Variants in ITGA8 observed in about 807,000 individuals in gnomAD.
ITGA8 encodes integrin subunit alpha 8.
Under a neutral mutation model 142.3 loss-of-function variants are expected in ITGA8, and 91 were observed. The ratio of observed to expected loss-of-function variants is 0.64; its 90% CI spans 0.54 to 0.76. The LOEUF (loss-of-function observed/expected upper bound fraction) is 0.76. Among genes scored for constraint, ITGA8 ranks in the 30% least tolerant of loss-of-function variants. The pLI, the probability that ITGA8 is intolerant of heterozygous loss-of-function variation, is 0.00. For missense variants in ITGA8, 1,406 were observed against 1,327.7 expected (o/e 1.06, Z -0.92); for synonymous variants, 505 against 485.2 (o/e 1.04, Z -0.54).
chr10:15,632,595 C>T (rs12572662), intron 13 of ITGA8, among the ~76,000 whole-genome samples: 1 of 152,200 alleles, frequency 6.6e-6, no homozygotes, highest in South Asian at 2.1e-4. Flanking sequence ...AGAAGCAGGT[C>T]GGTATTTCAG....
chr10:15,518,864 T>C (rs184396433), intron 29 of ITGA8, among the ~76,000 whole-genome samples: 490 of 152,338 alleles, frequency 3.2e-3, no homozygotes, highest in Non-Finnish European at 5.8e-3. Flanking sequence ...CTATATTAAT[T>C]GCATTTGCAT....
intron 25 of ITGA8, among the ~76,000 whole-genome samples, chr10:15,565,607 T>TTTTTTTTTTTTTA (rs1834064320): frequency 7.6e-6 from 1 of 130,940 alleles, no homozygotes. Context: ...TTTTTTTTTT[T>TTTTTTTTTTTTTA]GAGACAGAGT....
In ITGA8 at chr10:15,575,538, T is replaced by TC; in HGVS notation, c.2428dup (p.Glu810GlyfsTer17). 6.2e-7 allele frequency: 1 copy of TC among 1,614,064 alleles called. No individual in the cohort carries two copies. Among genetic ancestry groups the TC allele is most frequent in the East Asian group, 2.2e-5 (1 of 44,884 alleles). ...TCCAACCTCCTCCTCTTTGTGGGGC[T>TC]CCTCTTCTGGTTCCCAGTTATGAAT... On this transcript the variant is annotated frameshift_variant, in exon 24 of 30. Transcript: ENST00000378076. LOFTEE classifies it high-confidence loss of function.
chr10:15,616,159 A>T (rs1833387031), intron 14 of ITGA8, among the ~76,000 whole-genome samples: 3 of 152,236 alleles, frequency 2.0e-5, no homozygotes, highest in Admixed American at 2.0e-4. Flanking sequence ...GATAAATAGT[A>T]ACATTCTTCT....
intron 25 of ITGA8, among the ~76,000 whole-genome samples, chr10:15,565,573 A>ATTTTTTTTTTTTTTTTTTTTTT (rs71374633): frequency 2.6e-4 from 9 of 34,782 alleles, no homozygotes; most frequent in Non-Finnish European, 3.6e-4. Context: ...TCATGTCCTG[A>ATTTTTTTTTTTTTTTTTTTTTT]TTTTTTTTTT....
At chr10:15,535,796 C>T (rs992462696) in intron 27 of ITGA8, among the ~76,000 whole-genome samples, 4 of 152,120 alleles carry the variant, frequency 2.6e-5, no homozygotes, top group African/African-American at 9.7e-5. Flanking sequence ...CTGGGGTCCC[C>T]TTCCACACTG....
At chr10:15,677,877 C>T (rs946564467) in intron 5 of ITGA8, among the ~76,000 whole-genome samples, 8 of 152,156 alleles carry the variant, frequency 5.3e-5, no homozygotes, top group Non-Finnish European at 7.4e-5. Flanking sequence ...AAGTTGAACT[C>T]TCTCCCTTGA....
chr10:15,629,714 G>A (rs1038600978), intron 13 of ITGA8, among the ~76,000 whole-genome samples: 2 of 152,044 alleles, frequency 1.3e-5, no homozygotes, highest in African/African-American at 4.8e-5. Context: ...ATCACTTGAG[G>A]TCAGGAGTTT....
intron 27 of ITGA8, among the ~76,000 whole-genome samples, chr10:15,545,508 A>T (rs922907637): frequency 1.3e-5 from 2 of 152,230 alleles, no homozygotes; most frequent in Non-Finnish European, 2.9e-5. Flanking sequence ...AGAAGCCAAG[A>T]TGAATATCCA....
intron 6 of ITGA8, among the ~76,000 whole-genome samples, chr10:15,676,164 C>T (rs1017631038): frequency 1.3e-5 from 2 of 151,974 alleles, no homozygotes; most frequent in Non-Finnish European, 2.9e-5. Flanking sequence ...CGCTGCCCTC[C>T]TGCCTCCCAC....
intron 27 of ITGA8, among the ~76,000 whole-genome samples, chr10:15,533,906 C>T (rs1833363917): frequency 6.8e-6 from 1 of 146,820 alleles, no homozygotes; most frequent in Non-Finnish European, 1.5e-5. Flanking sequence ...TTCATCACAT[C>T]ACCAATCTTT....
rs199811688 is a variant in ITGA8, at chr10:15,561,237, A to G, written c.2638-3035T>C. 2.2e-3 allele frequency among the ~76,000 whole-genome samples: 173 copies of G among 78,872 alleles called. 1 individual carries two copies. Among genetic ancestry groups the G allele is most frequent in the East Asian group, 5.5e-3 (17 of 3,090 alleles). 51.7% of individuals were successfully genotyped at this position (78,872 alleles called of 152,430 possible). On this transcript the variant is annotated intron_variant, in intron 25 of 29. Transcript: ENST00000378076. ...TATATATATATATATATATATATGT[A>G]TATATATATATATATATGTATGTAA...
At chr10:15,628,585 G>A (rs1352985460) in intron 13 of ITGA8, among the ~76,000 whole-genome samples, 4 of 151,602 alleles carry the variant, frequency 2.6e-5, no homozygotes, top group Non-Finnish European at 4.4e-5. Context: ...GCTCGCCTTG[G>A]CCTCCCAAAG....
At chr10:15,530,301 A>C (rs1588626599) in intron 28 of ITGA8, among the ~76,000 whole-genome samples, 1 of 152,150 alleles carries the variant, frequency 6.6e-6, no homozygotes, top group East Asian at 1.9e-4. Context: ...TAATCCCAGC[A>C]CTTTCGGAGG....
At chr10:15,706,334 C>T (rs1337482929) in intron 2 of ITGA8, among the ~76,000 whole-genome samples, 2 of 152,136 alleles carry the variant, frequency 1.3e-5, no homozygotes, top group Non-Finnish European at 2.9e-5. Flanking sequence ...CCACTCAATC[C>T]CAGCCATACT....
chr10:15,656,389 A>G (rs1406303448), intron 10 of ITGA8, among the ~76,000 whole-genome samples: 1 of 151,722 alleles, frequency 6.6e-6, no homozygotes, highest in African/African-American at 2.4e-5. Context: ...TTTGAGATGA[A>G]GTCTCGCTCT....
intron 23 of ITGA8, among the ~76,000 whole-genome samples, chr10:15,583,172 A>G (rs1411334943): frequency 2.6e-5 from 4 of 152,264 alleles, no homozygotes; most frequent in African/African-American, 9.6e-5. Context: ...AATGTGGAAT[A>G]CTATGCAGCC....
intron 13 of ITGA8, among the ~76,000 whole-genome samples, chr10:15,619,755 T>G (rs1484853085): frequency 6.6e-6 from 1 of 152,190 alleles, no homozygotes; most frequent in African/African-American, 2.4e-5. Flanking sequence ...TGAAGAAACA[T>G]GAGCTCTGTT....
chr10:15,610,246 T>C (rs905510501), intron 15 of ITGA8, among the ~76,000 whole-genome samples: 3 of 152,218 alleles, frequency 2.0e-5, no homozygotes, highest in Non-Finnish European at 4.4e-5. Flanking sequence ...AAAGAAAATT[T>C]CAAGATTTTA....
Sources: gnomAD v4.1 joint callset for allele counts (sites outside exome capture counted in the v4.1 genomes callset) on GRCh38, gnomAD v4.1.1 for gene constraint, MANE v1.5 for transcripts, NCBI Gene and HGNC (gene_info 2026-07-23, HGNC 2026-07-21) for gene names.